OSBPL1A: variants seen among roughly 807,000 people sequenced by gnomAD.
The protein encoded by OSBPL1A is oxysterol-binding protein-related protein 1.
In OSBPL1A, 80 loss-of-function variants were observed where a neutral mutation model predicts 137.1. The observed-to-expected ratio is 0.58, with a 90% CI of 0.49 to 0.70. OSBPL1A has a LOEUF of 0.70. Ranked by LOEUF, OSBPL1A falls within the 30% of genes least tolerant of loss-of-function variation. OSBPL1A has a pLI of 0.00. For synonymous variants in OSBPL1A, 365 were observed against 389.7 expected (o/e 0.94, Z 0.75); for missense variants, 970 against 1,129.4 (o/e 0.86, Z 2.02).
intron 17 of OSBPL1A, among the ~76,000 whole-genome samples, chr18:24,211,856 G>A (rs748546236): frequency 1.5e-4 from 22 of 151,312 alleles, no homozygotes; most frequent in Admixed American, 7.9e-4. Flanking sequence ...CCAGCTACTC[G>A]GGAGATTGCA....
intron 4 of OSBPL1A, among the ~76,000 whole-genome samples, chr18:24,354,316 C>A (rs1467213421): frequency 6.6e-6 from 1 of 152,164 alleles, no homozygotes; most frequent in African/African-American, 2.4e-5. Flanking sequence ...CTAGCAACTA[C>A]TGAGAACAGG....
chr18:24,348,140 A>T (rs1383069680), intron 4 of OSBPL1A, among the ~76,000 whole-genome samples: 3 of 152,088 alleles, frequency 2.0e-5, no homozygotes, highest in Non-Finnish European at 4.4e-5. Flanking sequence ...GCAAATAAAG[A>T]AAGTATCCCC....
intron 14 of OSBPL1A, among the ~76,000 whole-genome samples, chr18:24,293,317 T>C (rs2090221341): frequency 6.6e-6 from 1 of 151,904 alleles, no homozygotes; most frequent in Non-Finnish European, 1.5e-5. Flanking sequence ...ATCAGGCCAG[T>C]GGCCAGGCAG....
At chr18:24,242,323 TCA>T (rs1567970101) in intron 15 of OSBPL1A, among the ~76,000 whole-genome samples, 1 of 126,550 alleles carries the variant, frequency 7.9e-6, no homozygotes, top group African/African-American at 3.0e-5. Flanking sequence ...CAAAAAAGAT[TCA>T]GTTAGGGGGT....
At chr18:24,349,887 C>T (rs1010839984) in intron 4 of OSBPL1A, among the ~76,000 whole-genome samples, 57 of 152,146 alleles carry the variant, frequency 3.7e-4, no homozygotes, top group African/African-American at 1.3e-3. Flanking sequence ...GCTTGGAATT[C>T]TGACCTTCAG....
chr18:24,277,970 C>T (rs2089881316), intron 15 of OSBPL1A, among the ~76,000 whole-genome samples: 2 of 152,192 alleles, frequency 1.3e-5, no homozygotes, highest in African/African-American at 4.8e-5. Flanking sequence ...GTGTTCCACG[C>T]AGTATGCTAA....
intron 18 of OSBPL1A, among the ~76,000 whole-genome samples, chr18:24,186,141 A>T (rs566518348): frequency 2.6e-5 from 4 of 152,356 alleles, no homozygotes; most frequent in African/African-American, 9.6e-5. Context: ...TTATCTTTCT[A>T]GTCCTGCTAC....
chr18:24,168,921 C>T (rs72883213), intron 24 of OSBPL1A, among the ~76,000 whole-genome samples: 14,563 of 152,260 alleles, frequency 0.096, 979 homozygotes, highest in Middle Eastern at 0.27. Context: ...CTCAGCCATC[C>T]GCACTCTGTG....
chr18:24,172,334 A>C (rs1304885380), intron 22 of OSBPL1A, 42 bp downstream of exon 22: 1 of 1,442,064 alleles, frequency 6.9e-7, no homozygotes, highest in South Asian at 1.2e-5. Flanking sequence ...AAACTGCTTG[A>C]TGAAAACTGA....
chr18:24,185,051 C>T (rs909126342), intron 18 of OSBPL1A, among the ~76,000 whole-genome samples: 2 of 152,098 alleles, frequency 1.3e-5, no homozygotes, highest in Non-Finnish European at 1.5e-5. Context: ...ACTTAGATGC[C>T]TATTACTAAG....
intron 18 of OSBPL1A, among the ~76,000 whole-genome samples, chr18:24,183,935 T>G (rs995767552): frequency 1.8e-4 from 27 of 152,226 alleles, no homozygotes; most frequent in African/African-American, 6.3e-4. Context: ...GGGTTCACCT[T>G]TACTAGCCGT....
intron 4 of OSBPL1A, chr18:24,358,303 T>A: frequency 1.7e-6 from 1 of 602,470 alleles, no homozygotes; most frequent in African/African-American, 1.8e-5. Flanking sequence ...TGGCTGCTCA[T>A]CCCCAACAGG....
chr18:24,177,326 C>G (rs935730198), intron 21 of OSBPL1A, among the ~76,000 whole-genome samples: 1 of 152,288 alleles, frequency 6.6e-6, no homozygotes, highest in African/African-American at 2.4e-5. Context: ...CTTTTTCGGT[C>G]GGCCTCTAAT....
chr18:24,290,767 A>G (rs1244606022), intron 14 of OSBPL1A, among the ~76,000 whole-genome samples: 1 of 152,160 alleles, frequency 6.6e-6, no homozygotes, highest in Admixed American at 6.6e-5. Context: ...ACATGAATGG[A>G]GGTATGTGGC....
chr18:24,373,776 ACC>A (rs982576325), intron 2 of OSBPL1A, among the ~76,000 whole-genome samples: 1 of 151,890 alleles, frequency 6.6e-6, no homozygotes, highest in African/African-American at 2.4e-5. Context: ...CCGGGAAGGA[ACC>A]CCCCACATGG....
chr18:24,177,284 C>T (rs1337492142), intron 21 of OSBPL1A, among the ~76,000 whole-genome samples: 1 of 152,182 alleles, frequency 6.6e-6, no homozygotes, highest in Non-Finnish European at 1.5e-5. Flanking sequence ...TTTCTAGGTC[C>T]TTTAATTAGA....
chr18:24,214,566 T>C (rs1006550896), intron 17 of OSBPL1A, among the ~76,000 whole-genome samples: 3 of 152,248 alleles, frequency 2.0e-5, no homozygotes, highest in African/African-American at 7.2e-5. Context: ...TCCAGTTGGA[T>C]TAGGAGGCTG....
chr18:24,378,573 A>C (rs556186557), intron 1 of OSBPL1A, among the ~76,000 whole-genome samples: 1 of 152,334 alleles, frequency 6.6e-6, no homozygotes, highest in Admixed American at 6.5e-5. Context: ...TAAAGATTAC[A>C]TTATTTGTAA....
At position 24,309,587 on chromosome 18, in the gene OSBPL1A, G is replaced by A. The variant is rs569533134; in HGVS notation, c.1092+2397C>T. 2.0e-5 allele frequency among the ~76,000 whole-genome samples: 3 copies of A among 152,292 alleles called. No individual in the cohort carries two copies. The South Asian group carries it at 6.2e-4, about 32-fold the overall frequency. On this transcript the variant is annotated intron_variant, in intron 13 of 27. Transcript: ENST00000319481. The stretch of plus-strand genomic sequence containing the variant: ...AGAATGTCTATAGGTATCAAGAATA[G>A]ACCTTTCCATAAATTGGCCCCTGAA...
Sources: allele counts gnomAD v4.1 joint callset (sites outside exome capture counted in the v4.1 genomes callset), GRCh38; gene constraint gnomAD v4.1.1; transcripts MANE v1.5; gene names NCBI Gene and HGNC (gene_info 2026-07-23, HGNC 2026-07-21).